Variants in SPSB1 observed in about 807,000 individuals in gnomAD.
SPSB1 encodes the protein SPRY domain-containing SOCS box protein 1.
Under a neutral mutation model 21.2 loss-of-function variants are expected in SPSB1, and 8 were observed. That is an observed-to-expected ratio of 0.38 (90% CI 0.22 to 0.68). The LOEUF (loss-of-function observed/expected upper bound fraction) is 0.68. SPSB1 is among the 30% of genes least tolerant of loss of function. The pLI is 0.53. For missense variants in SPSB1, 242 were observed against 377.8 expected (o/e 0.64, Z 2.98); for synonymous variants, 169 against 161.7 (o/e 1.05, Z -0.34).
intron 1 of SPSB1, among the ~76,000 whole-genome samples, chr1:9,333,963 T>C (rs2100495001): frequency 6.6e-6 from 1 of 152,364 alleles, no homozygotes; most frequent in East Asian, 1.9e-4. Context: ...TTTGTCCCAG[T>C]AGCATCAGGA....
intron 1 of SPSB1, among the ~76,000 whole-genome samples, chr1:9,334,160 G>A (rs372947811): frequency 2.6e-5 from 4 of 151,890 alleles, no homozygotes; most frequent in Admixed American, 1.3e-4. Flanking sequence ...ATCTCGGCTC[G>A]TTGCAACTTC....
intron 1 of SPSB1, among the ~76,000 whole-genome samples, chr1:9,329,053 C>T (rs1639871209): frequency 6.6e-6 from 1 of 152,170 alleles, no homozygotes; most frequent in African/African-American, 2.4e-5. Context: ...CAGTAAAGGG[C>T]AGAAAGACTT....
intron 1 of SPSB1, among the ~76,000 whole-genome samples, chr1:9,354,840 G>C (rs1338656995): frequency 6.6e-6 from 1 of 152,114 alleles, no homozygotes. Flanking sequence ...CAGTGGAGAG[G>C]GATCGGGTAG....
intron 1 of SPSB1, among the ~76,000 whole-genome samples, chr1:9,337,996 GA>G (rs1331351298): frequency 1.3e-5 from 2 of 152,172 alleles, no homozygotes; most frequent in Non-Finnish European, 2.9e-5. Context: ...GCCTGTCTCT[GA>G]AAAAAGGCAG....
Position 9,356,039 on chromosome 1 carries a change from G to A in SPSB1, c.148G>A (p.Val50Ile). Residue 50 changes from valine (V) to isoleucine (I), a missense_variant, in exon 2 of 3, where the codon GTC (valine) becomes ATC (isoleucine). Coordinates refer to ENST00000328089, the MANE Select transcript of SPSB1 (RefSeq NM_025106.4). This position sits in a 1 kb window ranked among gnomAD's most constrained non-coding sequence, Gnocchi z 7.4. The part of the protein sequence containing the change: ...LLDMPPVSYD[V>I]QLLHSWNNND... ...GGACATGCCCCCTGTGTCCTATGAT[G>A]TCCAGCTGCTGCATTCATGGAACAA... 6.2e-7 allele frequency: 1 copy of A among 1,614,126 alleles called. No individual in the cohort carries two copies. The highest frequency in any genetic ancestry group is 8.5e-7 in the Non-Finnish European group (1 of 1,180,008).
rs1639720115 is a variant in SPSB1 at position 9,321,418 on chromosome 1, T to G, written c.-150+28347T>G. On this transcript the variant is annotated intron_variant, in intron 1 of 2. Transcript: ENST00000328089. The surrounding 1 kb of genome is among the most constrained non-coding windows in gnomAD (Gnocchi z 4.8). ...GGGAGAGAGCGGATCCTGTGTGATTTTACGGAACTTGTCCTGACCCGTTAT... is the reference window on the plus strand; with the variant it reads ...GGGAGAGAGCGGATCCTGTGTGATTGTACGGAACTTGTCCTGACCCGTTAT... 6.6e-6 allele frequency among the ~76,000 whole-genome samples: 1 copy of G among 152,146 alleles called. No individual in the cohort carries two copies. Among genetic ancestry groups the G allele is most frequent in the Admixed American group, 6.5e-5 (1 of 15,274 alleles).
At chr1:9,354,889 G>A (rs189193239) in intron 1 of SPSB1, among the ~76,000 whole-genome samples, 78 of 152,272 alleles carry the variant, frequency 5.1e-4, no homozygotes, top group Admixed American at 8.5e-4. Context: ...CAGAGTCCCT[G>A]TTCTCCCTCC....
intron 1 of SPSB1, among the ~76,000 whole-genome samples, chr1:9,311,947 A>C (rs1313953844): frequency 1.3e-5 from 2 of 152,100 alleles, no homozygotes; most frequent in Non-Finnish European, 2.9e-5. Context: ...CCAGTGGCTA[A>C]GTATTGAGAT....
In SPSB1 at chr1:9,320,584, C is replaced by T. The variant is rs79124771; in HGVS notation, c.-150+27513C>T. 9.0e-3 allele frequency among the ~76,000 whole-genome samples: 1,367 copies of T among 152,308 alleles called. 49 individuals are homozygous for T. The highest frequency in any genetic ancestry group is 0.081 in the East Asian group (419 of 5,188). ...TGTTCCTTGATACACAGAGGAAGCACGCAGCCCTCTCTTCCATTTTGCAAG... is the reference window on the plus strand; with the variant it reads ...TGTTCCTTGATACACAGAGGAAGCATGCAGCCCTCTCTTCCATTTTGCAAG... On this transcript the variant is annotated intron_variant, in intron 1 of 2. Transcript: ENST00000328089.
In SPSB1 at chr1:9,367,646, G is replaced by T; in HGVS notation, c.*71G>T. On this transcript the variant is annotated 3_prime_UTR_variant, in exon 3 of 3. Transcript: ENST00000328089. The surrounding 1 kb of genome is among the most constrained non-coding windows in gnomAD (Gnocchi z 5.9). ...CACTGAGCCGCCTGCCGCTGGGGCC[G>T]CCGCACCCTGCACCTTGGACCGGCA... The T allele has an allele frequency of 6.6e-7, 1 of 1,510,962 alleles. No homozygotes were observed. Among genetic ancestry groups the T allele is most frequent in the Non-Finnish European group, 8.9e-7 (1 of 1,126,586 alleles). 93.6% of individuals were successfully genotyped at this position (1,510,962 alleles called of 1,614,324 possible).
intron 1 of SPSB1, among the ~76,000 whole-genome samples, chr1:9,339,513 C>A (rs1400877273): frequency 6.6e-6 from 1 of 152,164 alleles, no homozygotes; most frequent in African/African-American, 2.4e-5. Context: ...AGATCCCACA[C>A]AGATGGGATT....
At chr1:9,320,367 G>A (rs903916850) in intron 1 of SPSB1, among the ~76,000 whole-genome samples, 6 of 152,140 alleles carry the variant, frequency 3.9e-5, no homozygotes, top group African/African-American at 7.2e-5. Flanking sequence ...GAAAGCTCCC[G>A]GGGACTTTGC....
chr1:9,367,280 G>A lies in SPSB1; in HGVS notation c.695-168G>A, dbSNP rs1310268404. On this transcript the variant is annotated intron_variant, in intron 2 of 2. Transcript: ENST00000328089. This position sits in a 1 kb window ranked among gnomAD's most constrained non-coding sequence, Gnocchi z 5.9. ...GCCCAGCCCAGGGTGGGCTCCTGGT[G>A]GCAGCTATTCACATGCTAAATTTAA... 6.6e-6 allele frequency among the ~76,000 whole-genome samples: 1 copy of A among 152,156 alleles called. No individual in the cohort carries two copies. Among genetic ancestry groups the A allele is most frequent in the Non-Finnish European group, 1.5e-5 (1 of 68,012 alleles).
chr1:9,366,189 C>T (rs1640568496), intron 2 of SPSB1, among the ~76,000 whole-genome samples: 1 of 152,210 alleles, frequency 6.6e-6, no homozygotes, highest in Admixed American at 6.5e-5. Context: ...CAGCTCTGCC[C>T]AAGTTCCCCT....
intron 1 of SPSB1, chr1:9,339,141 C>A: frequency 1.1e-6 from 1 of 896,170 alleles, no homozygotes; most frequent in Non-Finnish European, 1.3e-6. Context: ...ACTGCGGGGG[C>A]TCCGGAGGTC....
intron 1 of SPSB1, among the ~76,000 whole-genome samples, chr1:9,342,278 T>G (rs966737141): frequency 2.6e-5 from 4 of 152,106 alleles, no homozygotes; most frequent in Admixed American, 6.5e-5. Context: ...TGAGTGACGA[T>G]CCCTCCGTGA....
chr1:9,342,791 C>T lies in SPSB1; in HGVS notation c.-149-12952C>T, dbSNP rs554086740. 2.6e-5 allele frequency among the ~76,000 whole-genome samples: 4 copies of T among 152,368 alleles called. No homozygotes were observed. The South Asian group carries it at 8.3e-4, about 32-fold the overall frequency. On this transcript the variant is annotated intron_variant, in intron 1 of 2. Coordinates refer to ENST00000328089, the MANE Select transcript of SPSB1 (RefSeq NM_025106.4). ...GGCAGCAAGGGCTGCCAAACCACAG[C>T]CCTGCACTTTTTCCTTTGGAGAACA...
At chr1:9,320,911 G>C (rs1639712910) in intron 1 of SPSB1, among the ~76,000 whole-genome samples, 1 of 151,848 alleles carries the variant, frequency 6.6e-6, no homozygotes, top group Admixed American at 6.6e-5. Flanking sequence ...GATGGGGAGG[G>C]GCCAAACCCC....
chr1:9,338,416 C>T (rs1640038606), intron 1 of SPSB1, among the ~76,000 whole-genome samples: 1 of 152,222 alleles, frequency 6.6e-6, no homozygotes, highest in African/African-American at 2.4e-5. Flanking sequence ...GCGCCTAAGG[C>T]CCCTCCAGGA....
Sources: allele counts gnomAD v4.1 joint callset (sites outside exome capture counted in the v4.1 genomes callset), GRCh38; gene constraint gnomAD v4.1.1; non-coding constraint Gnocchi (gnomAD v3.1); transcripts MANE v1.5; gene names NCBI Gene and HGNC (gene_info 2026-07-23, HGNC 2026-07-21).